The following ST6GALNAC3 variants were observed in gnomAD, a reference collection of about 807,000 sequenced individuals.
The protein encoded by ST6GALNAC3 is ST6 N-acetylgalactosaminide alpha-2,6-sialyltransferase 3.
ST6GALNAC3 carries 25 observed loss-of-function variants against 32.7 expected under a neutral mutation model. The observed-to-expected ratio is 0.76, with a 90% CI of 0.56 to 1.07. The LOEUF (loss-of-function observed/expected upper bound fraction) is 1.07, where lower values mean the gene tolerates loss of function less well. ST6GALNAC3 is among the 50% of genes least tolerant of loss of function. ST6GALNAC3 has a pLI of 0.00. For missense variants in ST6GALNAC3, 355 were observed against 382.4 expected (o/e 0.93, Z 0.60); for synonymous variants, 129 against 133.1 (o/e 0.97, Z 0.21).
chr1:76,271,222 C>A (rs1372197745), intron 1 of ST6GALNAC3, among the ~76,000 whole-genome samples: 1 of 152,170 alleles, frequency 6.6e-6, no homozygotes, highest in African/African-American at 2.4e-5. Flanking sequence ...CAAGAGACTT[C>A]CTTGCTGAGA....
At chr1:76,345,872 C>T (rs1648462951) in intron 2 of ST6GALNAC3, among the ~76,000 whole-genome samples, 1 of 152,120 alleles carries the variant, frequency 6.6e-6, no homozygotes, top group African/African-American at 2.4e-5. Flanking sequence ...ATTGTCCTTC[C>T]TCAGGGCCTT....
chr1:76,579,820 T>C (rs1422603287), intron 3 of ST6GALNAC3, among the ~76,000 whole-genome samples: 4 of 152,094 alleles, frequency 2.6e-5, no homozygotes, highest in Admixed American at 2.6e-4. Context: ...TTTCTTTTGA[T>C]AAGACATTTA....
chr1:76,381,168 T>TAAAAAAAAAAAAAA (rs71852050), intron 2 of ST6GALNAC3, among the ~76,000 whole-genome samples: 1 of 90,294 alleles, frequency 1.1e-5, no homozygotes, highest in Non-Finnish European at 2.4e-5. Context: ...TTTGGGCTGC[T>TAAAAAAAAAAAAAA]AAAAAAAAAA....
intron 3 of ST6GALNAC3, among the ~76,000 whole-genome samples, chr1:76,478,844 G>A (rs1571357266): frequency 7.1e-6 from 1 of 140,170 alleles, no homozygotes; most frequent in African/African-American, 2.7e-5. Context: ...CTCACTGTAA[G>A]CTCTGCCTCC....
chr1:76,209,903 T>C (rs928372058), intron 1 of ST6GALNAC3, among the ~76,000 whole-genome samples: 1 of 152,176 alleles, frequency 6.6e-6, no homozygotes, highest in African/African-American at 2.4e-5. Flanking sequence ...GCTTTGAATC[T>C]GAATTGCTGC....
intron 2 of ST6GALNAC3, among the ~76,000 whole-genome samples, chr1:76,381,719 T>A (rs917919559): frequency 2.6e-5 from 4 of 152,206 alleles, no homozygotes; most frequent in Non-Finnish European, 5.9e-5. Flanking sequence ...AGAGGCATAG[T>A]AGCCTAGATC....
At chr1:76,601,748 C>CT (rs1647245523) in intron 3 of ST6GALNAC3, among the ~76,000 whole-genome samples, 1 of 152,022 alleles carries the variant, frequency 6.6e-6, no homozygotes, top group South Asian at 2.1e-4. Flanking sequence ...GATCTAGAGA[C>CT]TAAGAAGGGG....
At chr1:76,141,679 C>CA (rs979562372) in intron 1 of ST6GALNAC3, among the ~76,000 whole-genome samples, 1 of 152,082 alleles carries the variant, frequency 6.6e-6, no homozygotes, top group African/African-American at 2.4e-5. Flanking sequence ...AGATTTATAA[C>CA]AAAGTTTTTG....
downstream of ST6GALNAC3, among the ~76,000 whole-genome samples, chr1:76,636,382 CT>C (rs35950056): frequency 3.3e-5 from 5 of 151,872 alleles, no homozygotes; most frequent in African/African-American, 7.2e-5. Context: ...AGAGATTAGC[CT>C]TTTTTTTCAG....
At chr1:76,127,887 A>G (rs777585909) in intron 1 of ST6GALNAC3, among the ~76,000 whole-genome samples, 5 of 152,174 alleles carry the variant, frequency 3.3e-5, no homozygotes, top group East Asian at 1.9e-4. Context: ...TAGCATCTGC[A>G]GTCTTTACTC....
intron 3 of ST6GALNAC3, among the ~76,000 whole-genome samples, chr1:76,498,364 G>A (rs1660983655): frequency 6.6e-6 from 1 of 152,122 alleles, no homozygotes; most frequent in African/African-American, 2.4e-5. Context: ...TGAGTACATA[G>A]GTAATTTTTC....
intron 2 of ST6GALNAC3, among the ~76,000 whole-genome samples, chr1:76,357,747 G>C (rs1649601781): frequency 6.6e-6 from 1 of 152,190 alleles, no homozygotes; most frequent in Non-Finnish European, 1.5e-5. Flanking sequence ...GGCCCACACA[G>C]TGTTCAGCAC....
intron 1 of ST6GALNAC3, among the ~76,000 whole-genome samples, chr1:76,101,694 A>G (rs1373174780): frequency 6.6e-6 from 1 of 152,214 alleles, no homozygotes; most frequent in African/African-American, 2.4e-5. Flanking sequence ...TATTTACACA[A>G]TAGGGTTCCC....
At chr1:76,590,587 C>A (rs1041099199) in intron 3 of ST6GALNAC3, among the ~76,000 whole-genome samples, 18 of 152,022 alleles carry the variant, frequency 1.2e-4, no homozygotes, top group African/African-American at 4.4e-4. Flanking sequence ...GACAAACTCT[C>A]TATGGATGTA....
At chr1:76,584,249 T>G (rs1008069901) in intron 3 of ST6GALNAC3, among the ~76,000 whole-genome samples, 2 of 152,228 alleles carry the variant, frequency 1.3e-5, no homozygotes, top group African/African-American at 4.8e-5. Context: ...TCATTTATAA[T>G]GTCAAATATC....
At chr1:76,228,952 G>A (rs778233880) in intron 1 of ST6GALNAC3, among the ~76,000 whole-genome samples, 5 of 152,146 alleles carry the variant, frequency 3.3e-5, no homozygotes, top group Non-Finnish European at 5.9e-5. Context: ...AATAGTGCAG[G>A]ATGGAGAAGG....
At chr1:76,384,398 C>T (rs897470922) in intron 2 of ST6GALNAC3, among the ~76,000 whole-genome samples, 3 of 152,068 alleles carry the variant, frequency 2.0e-5, no homozygotes, top group Admixed American at 6.6e-5. Flanking sequence ...CAAAAACTAA[C>T]GAAACTAAGA....
intron 1 of ST6GALNAC3, among the ~76,000 whole-genome samples, chr1:76,235,044 A>G (rs1656571989): frequency 6.6e-6 from 1 of 152,198 alleles, no homozygotes; most frequent in Admixed American, 6.5e-5. Flanking sequence ...GCAGGGCCTC[A>G]CATTTGGGCA....
At chr1:76,417,794 T>C (rs1312572361) in intron 3 of ST6GALNAC3, among the ~76,000 whole-genome samples, 2 of 152,098 alleles carry the variant, frequency 1.3e-5, no homozygotes, top group African/African-American at 2.4e-5. Context: ...CCTAAATAGG[T>C]CTTAATTAGC....
Sources: allele counts gnomAD v4.1 joint callset (sites outside exome capture counted in the v4.1 genomes callset), GRCh38; gene constraint gnomAD v4.1.1; transcripts MANE v1.5; gene names NCBI Gene and HGNC (gene_info 2026-07-23, HGNC 2026-07-21).